The following ADGRB3 variants were observed in gnomAD, a reference collection of about 807,000 sequenced individuals.
The protein encoded by ADGRB3 is brain-specific angiogenesis inhibitor 3.
A neutral mutation model predicts 193.4 loss-of-function variants in ADGRB3; 37 were observed. The observed-to-expected ratio is 0.19, with a 90% CI of 0.15 to 0.25. The LOEUF (loss-of-function observed/expected upper bound fraction) is 0.25, where lower values mean the gene tolerates loss of function less well. ADGRB3 is among the 10% of genes least tolerant of loss of function. ADGRB3 has a pLI of 1.00. For missense variants in ADGRB3, 1,637 were observed against 1,852.9 expected, an observed-to-expected ratio of 0.88 and a Z score of 2.14; for synonymous variants, 690 against 644.2, an observed-to-expected ratio of 1.07 and a Z score of -1.08.
At chr6:69,374,238 G>A (rs940017838) in intron 30 of ADGRB3, among the ~76,000 whole-genome samples, 1 of 152,080 alleles carries the variant, frequency 6.6e-6, no homozygotes, top group African/African-American at 2.4e-5. Context: ...TAACAGGTAT[G>A]TGGCAGATAT....
chr6:69,282,050 A>G (rs1767448296), intron 20 of ADGRB3, among the ~76,000 whole-genome samples: 1 of 152,122 alleles, frequency 6.6e-6, no homozygotes, highest in East Asian at 1.9e-4. Flanking sequence ...TGCTCTCACC[A>G]AAGGGCTGCC....
At chr6:68,721,876 A>C (rs1765589323) in intron 3 of ADGRB3, among the ~76,000 whole-genome samples, 1 of 151,146 alleles carries the variant, frequency 6.6e-6, no homozygotes, top group Admixed American at 6.6e-5. Context: ...ATAAAAATAA[A>C]TGTTTAGAAA....
intron 17 of ADGRB3, among the ~76,000 whole-genome samples, chr6:69,201,553 T>A (rs1765417087): frequency 6.6e-6 from 1 of 152,102 alleles, no homozygotes; most frequent in African/African-American, 2.4e-5. Context: ...TGGGTTTTGC[T>A]TCATTCTCTT....
chr6:69,096,757 C>T (rs1290695788), intron 17 of ADGRB3, among the ~76,000 whole-genome samples: 1 of 152,184 alleles, frequency 6.6e-6, no homozygotes, highest in Non-Finnish European at 1.5e-5. Flanking sequence ...GTCTCAGCTT[C>T]ACTGTAGAAG....
At chr6:69,325,658 A>G (rs1292644404) in intron 21 of ADGRB3, among the ~76,000 whole-genome samples, 1 of 152,236 alleles carries the variant, frequency 6.6e-6, no homozygotes, top group Non-Finnish European at 1.5e-5. Flanking sequence ...TAGTTAATTT[A>G]AGAAGCTACT....
intron 17 of ADGRB3, among the ~76,000 whole-genome samples, chr6:69,140,815 A>G (rs983497980): frequency 6.6e-6 from 1 of 152,142 alleles, no homozygotes; most frequent in Non-Finnish European, 1.5e-5. Context: ...TCAAAAAAAG[A>G]GAAAGATATG....
At chr6:68,748,036 G>A (rs573644964) in intron 3 of ADGRB3, among the ~76,000 whole-genome samples, 2 of 152,178 alleles carry the variant, frequency 1.3e-5, no homozygotes, top group East Asian at 1.9e-4. Flanking sequence ...TCACTATCAC[G>A]AGAATAGCAT....
chr6:68,666,597 C>A (rs1447029969), intron 3 of ADGRB3, among the ~76,000 whole-genome samples: 2 of 151,704 alleles, frequency 1.3e-5, no homozygotes, highest in African/African-American at 4.8e-5. Context: ...TAAAGTCTAT[C>A]AAGATATTTT....
chr6:69,291,131 A>AT (rs539488494), intron 20 of ADGRB3, among the ~76,000 whole-genome samples: 131 of 152,102 alleles, frequency 8.6e-4, no homozygotes, highest in African/African-American at 3.0e-3. Flanking sequence ...ATTTTTTGAG[A>AT]TTTTTTTCAT....
intron 13 of ADGRB3, among the ~76,000 whole-genome samples, chr6:69,033,501 G>A (rs756317382): frequency 2.0e-5 from 3 of 151,966 alleles, no homozygotes; most frequent in Non-Finnish European, 4.4e-5. Flanking sequence ...GAAGTCTTTT[G>A]AATAGTCAAA....
intron 15 of ADGRB3, among the ~76,000 whole-genome samples, chr6:69,055,052 T>G (rs183240003): frequency 2.0e-5 from 3 of 152,196 alleles, no homozygotes; most frequent in African/African-American, 7.2e-5. Flanking sequence ...CCATAACATC[T>G]TTTTGTTGTA....
chr6:68,918,588 C>T (rs1299482801), intron 3 of ADGRB3, among the ~76,000 whole-genome samples: 3 of 152,164 alleles, frequency 2.0e-5, no homozygotes, highest in Non-Finnish European at 4.4e-5. Context: ...TAAACACACA[C>T]TTGGCTTACC....
intron 11 of ADGRB3, among the ~76,000 whole-genome samples, chr6:69,010,432 A>T (rs1769897705): frequency 6.6e-6 from 1 of 152,108 alleles, no homozygotes; most frequent in South Asian, 2.1e-4. Context: ...ATAATGCGGC[A>T]ATGAATACAA....
chr6:69,319,139 AT>A (rs1261539204), intron 20 of ADGRB3, among the ~76,000 whole-genome samples: 1 of 151,228 alleles, frequency 6.6e-6, no homozygotes, highest in Non-Finnish European at 1.5e-5. Context: ...AAGTCTAAAA[AT>A]ATTCTATTAT....
intron 13 of ADGRB3, among the ~76,000 whole-genome samples, chr6:69,023,325 C>T (rs1562125718): frequency 6.6e-6 from 1 of 152,056 alleles, no homozygotes; most frequent in East Asian, 1.9e-4. Context: ...AATGTTAGTG[C>T]TTTATTCCAG....
chr6:68,687,632 A>G lies in ADGRB3; in HGVS notation c.757+48200A>G, dbSNP rs79282934. On this transcript the variant is annotated intron_variant, in intron 3 of 31. Transcript: ENST00000370598. ...TTAAGCACATAATTAGCCAGCATTC[A>G]TTCATTCACTCATTCATTCATGAAT... 1.1e-3 allele frequency among the ~76,000 whole-genome samples: 166 copies of G among 152,310 alleles called. 1 individual carries two copies. In the East Asian group the frequency reaches 0.025, roughly 23 times the overall value.
intron 3 of ADGRB3, among the ~76,000 whole-genome samples, chr6:68,821,956 G>A (rs1767755282): frequency 6.6e-6 from 1 of 151,836 alleles, no homozygotes; most frequent in Non-Finnish European, 1.5e-5. Flanking sequence ...CACGGAGGTA[G>A]GTACTATTAT....
intron 17 of ADGRB3, among the ~76,000 whole-genome samples, chr6:69,102,748 C>T (rs532554103): frequency 6.6e-6 from 1 of 152,328 alleles, no homozygotes; most frequent in Non-Finnish European, 1.5e-5. Flanking sequence ...ATTTATGGAA[C>T]AAATTGGACT....
At chr6:68,719,888 A>G (rs1765547523) in intron 3 of ADGRB3, among the ~76,000 whole-genome samples, 2 of 151,756 alleles carry the variant, frequency 1.3e-5, no homozygotes, top group South Asian at 4.1e-4. Flanking sequence ...GAGGTTGGGC[A>G]TGGGGGAGTG....
Sources: allele counts gnomAD v4.1 joint callset (sites outside exome capture counted in the v4.1 genomes callset), GRCh38; gene constraint gnomAD v4.1.1; transcripts MANE v1.5; gene names NCBI Gene and HGNC (gene_info 2026-07-23, HGNC 2026-07-21).